The following BAALC variants were observed in gnomAD, a reference collection of about 807,000 sequenced individuals.
The protein encoded by BAALC is BAALC binder of MAP3K1 and KLF4.
BAALC carries 9 observed loss-of-function variants against 15.5 expected under a neutral mutation model. The observed-to-expected ratio is 0.58, with a 90% confidence interval of 0.35 to 1.02. The LOEUF is 1.02. Among genes scored for constraint, BAALC ranks in the 50% least tolerant of loss-of-function variants. The pLI is 0.02. For synonymous variants in BAALC, 80 were observed against 74.6 expected (o/e 1.07, Z -0.37); for missense variants, 201 against 192.4 (o/e 1.04, Z -0.27).
At chr8:103,169,278 C>G (rs1463358280) in intron 1 of BAALC, among the ~76,000 whole-genome samples, 1 of 152,072 alleles carries the variant, frequency 6.6e-6, no homozygotes, top group African/African-American at 2.4e-5. Flanking sequence ...TCTGAATGTT[C>G]CTTTTCATAG....
intron 2 of BAALC, among the ~76,000 whole-genome samples, chr8:103,220,840 T>C (rs1302337786): frequency 6.6e-6 from 1 of 152,198 alleles, no homozygotes; most frequent in Non-Finnish European, 1.5e-5. Flanking sequence ...TAATTAAAAA[T>C]ACTACTTATA....
intron 1 of BAALC, among the ~76,000 whole-genome samples, chr8:103,180,164 A>C (rs1338628793): frequency 6.6e-6 from 1 of 152,240 alleles, no homozygotes; most frequent in Non-Finnish European, 1.5e-5. Flanking sequence ...AAGATAGGAC[A>C]GGGTGGGCGA....
At chr8:103,170,398 G>C (rs1188823099) in intron 1 of BAALC, among the ~76,000 whole-genome samples, 4 of 152,046 alleles carry the variant, frequency 2.6e-5, no homozygotes, top group Non-Finnish European at 5.9e-5. Context: ...TTGAAAATAG[G>C]GTCTTTACAG....
intron 1 of BAALC, chr8:103,200,885 A>G (rs1444859386): frequency 4.3e-6 from 2 of 468,690 alleles, no homozygotes; most frequent in East Asian, 5.8e-5. Context: ...ATTGGGGGTT[A>G]GATTTATACA....
intron 1 of BAALC, chr8:103,198,284 A>C (rs1812139593): frequency 3.7e-6 from 2 of 544,680 alleles, no homozygotes; most frequent in Non-Finnish European, 6.5e-6. Flanking sequence ...TTGATGATTA[A>C]ATGTGATATA....
At chr8:103,169,542 C>T (rs547253040) in intron 1 of BAALC, among the ~76,000 whole-genome samples, 6 of 152,274 alleles carry the variant, frequency 3.9e-5, no homozygotes, top group African/African-American at 1.4e-4. Flanking sequence ...GTCATCTTCA[C>T]TATAGAGTAT....
At chr8:103,221,042 A>G (rs1295000216) in intron 2 of BAALC, among the ~76,000 whole-genome samples, 1 of 152,212 alleles carries the variant, frequency 6.6e-6, no homozygotes, top group Non-Finnish European at 1.5e-5. Flanking sequence ...AGGTATCTGC[A>G]GTCTTGAATC....
intron 1 of BAALC, chr8:103,202,983 C>T (rs557064701): frequency 1.3e-5 from 2 of 152,344 alleles, no homozygotes; most frequent in South Asian, 2.1e-4. Context: ...CTTTTGGCTG[C>T]CTTCCAGTTC....
intron 2 of BAALC, among the ~76,000 whole-genome samples, chr8:103,214,323 G>A (rs905661815): frequency 2.0e-5 from 3 of 152,210 alleles, no homozygotes; most frequent in Non-Finnish European, 4.4e-5. Context: ...TGATCTATAT[G>A]TCAGATATGT....
chr8:103,180,651 C>T (rs1811706612), intron 1 of BAALC, among the ~76,000 whole-genome samples: 1 of 152,148 alleles, frequency 6.6e-6, no homozygotes, highest in Admixed American at 6.5e-5. Flanking sequence ...GAGGATTAGA[C>T]AAAATAAGGG....
chr8:103,162,275 T>C (rs755208478), intron 1 of BAALC, among the ~76,000 whole-genome samples: 8 of 152,240 alleles, frequency 5.3e-5, no homozygotes. Flanking sequence ...GCCTGTTCTT[T>C]TGACCATATT....
chr8:103,200,710 T>A (rs1473163708), intron 1 of BAALC: 8 of 700,794 alleles, frequency 1.1e-5, no homozygotes, highest in Non-Finnish European at 2.1e-5. Context: ...CAGTGTCTGA[T>A]GAAGGCTTGT....
intron 1 of BAALC, among the ~76,000 whole-genome samples, chr8:103,144,315 A>G (rs950390764): frequency 1.3e-5 from 2 of 152,212 alleles, no homozygotes; most frequent in South Asian, 2.1e-4. Context: ...GATCATCTCC[A>G]CTACTCAATG....
At chr8:103,211,686 C>G (rs141354136) in intron 1 of BAALC, among the ~76,000 whole-genome samples, 1 of 152,142 alleles carries the variant, frequency 6.6e-6, no homozygotes, top group African/African-American at 2.4e-5. Context: ...TTTGAGAGAG[C>G]CACTTGGAGA....
intron 1 of BAALC, among the ~76,000 whole-genome samples, chr8:103,177,255 C>T (rs1461981016): frequency 6.6e-6 from 1 of 150,670 alleles, no homozygotes; most frequent in Non-Finnish European, 1.5e-5. Context: ...GACATGATCT[C>T]GGCTCACTGT....
intron 1 of BAALC, among the ~76,000 whole-genome samples, chr8:103,189,217 T>C (rs988307371): frequency 1.3e-5 from 2 of 152,230 alleles, no homozygotes; most frequent in African/African-American, 4.8e-5. Flanking sequence ...ATGTTCACGT[T>C]TGTTAAGAGG....
intron 2 of BAALC, among the ~76,000 whole-genome samples, chr8:103,226,611 T>C (rs1430503079): frequency 6.6e-6 from 1 of 152,240 alleles, no homozygotes; most frequent in Non-Finnish European, 1.5e-5. Context: ...TGCTGTTTTC[T>C]CTTTTAGGGG....
At chr8:103,183,352 G>A (rs1009409104) in intron 1 of BAALC, 5 of 702,764 alleles carry the variant, frequency 7.1e-6, no homozygotes, top group African/African-American at 7.0e-5. Flanking sequence ...TTATTTTCCT[G>A]GTTTTGCCCA....
intron 2 of BAALC, among the ~76,000 whole-genome samples, chr8:103,216,300 G>C (rs988500455): frequency 3.3e-5 from 5 of 152,138 alleles, no homozygotes; most frequent in Admixed American, 2.0e-4. Flanking sequence ...TTGGGTCACA[G>C]GACAGGGGTA....
Sources: gnomAD v4.1 joint callset for allele counts (sites outside exome capture counted in the v4.1 genomes callset) on GRCh38, gnomAD v4.1.1 for gene constraint, MANE v1.5 for transcripts, NCBI Gene and HGNC (gene_info 2026-07-23, HGNC 2026-07-21) for gene names.